The following PTPRM variants were observed in gnomAD, a reference collection of about 807,000 sequenced individuals.
PTPRM encodes the protein receptor-type tyrosine-protein phosphatase mu.
In PTPRM, 47 loss-of-function variants were observed where a neutral mutation model predicts 186.7. The observed-to-expected ratio is 0.25, with a 90% CI of 0.20 to 0.32. PTPRM has a LOEUF of 0.32. PTPRM is among the 10% of genes least tolerant of loss of function. PTPRM has a pLI of 1.00. For synonymous variants in PTPRM, 668 were observed against 674.9 expected, an observed-to-expected ratio of 0.99 and a Z score of 0.16; for missense variants, 1,494 against 1,865.0, an observed-to-expected ratio of 0.80 and a Z score of 3.66.
chr18:8,335,985 G>A (rs1048115288), intron 22 of PTPRM, among the ~76,000 whole-genome samples: 12 of 152,090 alleles, frequency 7.9e-5, no homozygotes, highest in East Asian at 1.9e-4. Context: ...TCGCGCCACC[G>A]CACTCCAGCC....
At chr18:7,994,730 G>T (rs2147680000) in intron 7 of PTPRM, among the ~76,000 whole-genome samples, 1 of 152,196 alleles carries the variant, frequency 6.6e-6, no homozygotes, top group Non-Finnish European at 1.5e-5. Context: ...AATGATAATT[G>T]AGTTAATGAA....
chr18:7,972,529 A>T (rs1599793826), intron 7 of PTPRM, among the ~76,000 whole-genome samples: 1 of 149,778 alleles, frequency 6.7e-6, no homozygotes, highest in Non-Finnish European at 1.5e-5. Flanking sequence ...AAAAAAAGAA[A>T]CCCTTTCTAA....
chr18:7,658,649 G>A (rs1168851232), intron 1 of PTPRM, among the ~76,000 whole-genome samples: 4 of 152,046 alleles, frequency 2.6e-5, no homozygotes, highest in Admixed American at 1.3e-4. Flanking sequence ...AAAAAGTGCC[G>A]CACACAGTGT....
rs563343880 is a variant in PTPRM, at chr18:7,721,132, T to A, written c.74-53017T>A. Among the ~76,000 whole-genome samples, 3 of 133,834 alleles carry A rather than the reference T, an allele frequency of 2.2e-5. No homozygotes were observed. In the Admixed American group the frequency reaches 2.5e-4, roughly 11 times the overall value. 87.8% of individuals were successfully genotyped at this position (133,834 alleles called of 152,430 possible). A position where few individuals can be genotyped will look rare whatever the true frequency, so the allele number is the denominator to read the frequency against. On this transcript the variant is annotated intron_variant, in intron 1 of 32. Transcript: ENST00000580170. ...GTTTCTCCACATCATCATCAACACTTATTATTTTCTTTTTTTTTTTTTGAT... is the reference window on the plus strand; with the variant it reads ...GTTTCTCCACATCATCATCAACACTAATTATTTTCTTTTTTTTTTTTTGAT...
chr18:7,974,630 A>G (rs1249342510), intron 7 of PTPRM, among the ~76,000 whole-genome samples: 1 of 152,176 alleles, frequency 6.6e-6, no homozygotes, highest in Non-Finnish European at 1.5e-5. Flanking sequence ...TCCCAGGGAC[A>G]TGGGCTCTTT....
Position 8,406,357 on chromosome 18 carries a change from AAC to A in PTPRM, c.*205_*206del. The A allele has an allele frequency of 6.9e-5, 40 of 580,580 alleles. No individual in the cohort carries two copies. Among genetic ancestry groups the A allele is most frequent in the East Asian group, 1.2e-4 (4 of 33,832 alleles). The allele number at this position is 580,580 out of a possible 1,614,324, so 36.0% of individuals were successfully genotyped here. ...CCCAGTAATGCTGCTGCCTGACAGA[AAC>A]ACACACACAGCCACAGTTGCCAAAT... On this transcript the variant is annotated 3_prime_UTR_variant, in exon 33 of 33. Transcript: ENST00000580170.
chr18:7,949,977 G>C (rs190099206), intron 6 of PTPRM, among the ~76,000 whole-genome samples: 20 of 152,228 alleles, frequency 1.3e-4, no homozygotes, highest in Admixed American at 9.8e-4. Context: ...AAGCCACCAA[G>C]ACAATTTTTG....
intron 19 of PTPRM, among the ~76,000 whole-genome samples, chr18:8,278,620 G>A (rs148993622): frequency 1.7e-3 from 260 of 152,274 alleles, no homozygotes; most frequent in African/African-American, 5.4e-3. Flanking sequence ...TTAGAAGTTC[G>A]TTTGAAGTTA....
rs1277328209 is a variant in PTPRM, at chr18:8,099,285, C to A, written c.1856+10434C>A. On this transcript the variant is annotated intron_variant, in intron 11 of 32. Transcript: ENST00000580170. ...CTGCAGCTCTCCCAGAGAGCTCAGC[C>A]CTAGATTCATTCACTGCACTGGCTG... 2.0e-5 allele frequency among the ~76,000 whole-genome samples: 3 copies of A among 152,080 alleles called. No homozygotes were observed. The East Asian group carries it at 5.8e-4, about 29-fold the overall frequency.
At chr18:7,879,964 A>C (rs1490919012) in intron 2 of PTPRM, among the ~76,000 whole-genome samples, 1 of 152,172 alleles carries the variant, frequency 6.6e-6, no homozygotes, top group Non-Finnish European at 1.5e-5. Context: ...GGAAACTTAG[A>C]ATCCTGGCAG....
chr18:8,276,748 A>G lies in PTPRM; in HGVS notation c.2755-19620A>G, dbSNP rs557574622. 1.1e-4 allele frequency among the ~76,000 whole-genome samples: 16 copies of G among 152,190 alleles called. No homozygotes were observed. In the East Asian group the frequency reaches 3.1e-3, roughly 29 times the overall value. On this transcript the variant is annotated intron_variant, in intron 19 of 32. Transcript: ENST00000580170. The stretch of plus-strand genomic sequence containing the variant: ...TGCCGTTCTACAACAAAAAAATACA[A>G]TCTCCATCCTCATCTTCCCTATGCT...
At chr18:7,799,317 A>G (rs1186205091) in intron 2 of PTPRM, among the ~76,000 whole-genome samples, 2 of 152,178 alleles carry the variant, frequency 1.3e-5, no homozygotes, top group African/African-American at 4.8e-5. Flanking sequence ...TCAGGGCCCA[A>G]TCATCTCCCA....
chr18:8,293,832 G>A (rs1369914804), intron 19 of PTPRM, among the ~76,000 whole-genome samples: 1 of 152,156 alleles, frequency 6.6e-6, no homozygotes, highest in Non-Finnish European at 1.5e-5. Context: ...GAATCAACTA[G>A]CGATTTTTAA....
At chr18:8,175,250 G>C (rs2093463741) in intron 14 of PTPRM, among the ~76,000 whole-genome samples, 1 of 152,146 alleles carries the variant, frequency 6.6e-6, no homozygotes, top group South Asian at 2.1e-4. Flanking sequence ...CCATAGTCAA[G>C]ACAAATTAAT....
chr18:8,379,044 A>C (rs976343623), intron 27 of PTPRM, 123 bp from the exon 28 acceptor site: 2 of 691,878 alleles, frequency 2.9e-6, no homozygotes, highest in African/African-American at 1.9e-5. Context: ...TGGGTTGGGG[A>C]GGGAGGGGGA....
chr18:7,883,194 A>G (rs2048593964), intron 2 of PTPRM, among the ~76,000 whole-genome samples: 1 of 152,196 alleles, frequency 6.6e-6, no homozygotes, highest in African/African-American at 2.4e-5. Flanking sequence ...AATTTGAATT[A>G]TGATTTTTTA....
At chr18:8,153,099 A>G (rs1053533864) in intron 14 of PTPRM, among the ~76,000 whole-genome samples, 2 of 152,170 alleles carry the variant, frequency 1.3e-5, no homozygotes, top group African/African-American at 2.4e-5. Flanking sequence ...GTACTTTTTA[A>G]AAACATATGA....
intron 13 of PTPRM, among the ~76,000 whole-genome samples, chr18:8,118,811 A>AAATAT (rs372020679): frequency 0.031 from 3,996 of 128,092 alleles, 97 homozygotes; most frequent in Middle Eastern, 0.11. Flanking sequence ...AAAAAAAAAA[A>AAATAT]ATATATATAT....
intron 19 of PTPRM, among the ~76,000 whole-genome samples, chr18:8,263,233 C>T (rs778692305): frequency 3.3e-5 from 5 of 151,960 alleles, no homozygotes; most frequent in Admixed American, 6.6e-5. Flanking sequence ...CTCAGCCTCC[C>T]GAGTAGCTGG....
Sources: allele counts gnomAD v4.1 joint callset (sites outside exome capture counted in the v4.1 genomes callset), GRCh38; gene constraint gnomAD v4.1.1; transcripts MANE v1.5; gene names NCBI Gene and HGNC (gene_info 2026-07-23, HGNC 2026-07-21).